The following FRY variants were observed in gnomAD, a reference collection of about 807,000 sequenced individuals.
FRY encodes the protein FRY microtubule binding protein, also known as protein furry homolog.
In FRY, 128 loss-of-function variants were observed where a neutral mutation model predicts 348.4. The observed-to-expected ratio is 0.37, with a 90% CI of 0.32 to 0.43. The LOEUF (loss-of-function observed/expected upper bound fraction) is 0.43. Ranked by LOEUF, FRY falls within the 20% of genes least tolerant of loss-of-function variation. The pLI is 1.00. For synonymous variants in FRY, 1,370 were observed against 1,374.7 expected, an observed-to-expected ratio of 1.00 and a Z score of 0.08; for missense variants, 2,736 against 3,695.2, an observed-to-expected ratio of 0.74 and a Z score of 6.73.
intron 29 of FRY, among the ~76,000 whole-genome samples, chr13:32,199,440 G>T (rs1883874545): frequency 6.6e-6 from 1 of 152,218 alleles, no homozygotes; most frequent in Non-Finnish European, 1.5e-5. Context: ...GACAGGTGGT[G>T]TAATCACATT....
intron 1 of FRY, among the ~76,000 whole-genome samples, chr13:32,072,124 T>C (rs746397980): frequency 1.1e-4 from 16 of 152,164 alleles, no homozygotes; most frequent in Non-Finnish European, 2.1e-4. Flanking sequence ...TCTGGAGATA[T>C]CATGTAGATT....
chr13:32,293,263 A>T (rs1432310440), intron 59 of FRY, among the ~76,000 whole-genome samples: 1 of 152,222 alleles, frequency 6.6e-6, no homozygotes, highest in Non-Finnish European at 1.5e-5. Context: ...TAGGTTTAAA[A>T]TAAGGAGAAA....
At chr13:32,155,373 T>G (rs1429456603) in intron 14 of FRY, 118 bp from the exon 15 acceptor site, 1 of 778,696 alleles carries the variant, frequency 1.3e-6, no homozygotes, top group Admixed American at 1.9e-5. Context: ...GGCTTTTAAA[T>G]TATTTTCTCA....
chr13:32,211,207 C>T (rs553810466), intron 34 of FRY, among the ~76,000 whole-genome samples, 173 bp downstream of exon 34: 19 of 152,362 alleles, frequency 1.2e-4, no homozygotes, highest in African/African-American at 3.8e-4. Context: ...TGGTGACTCA[C>T]GCCTGTAATC....
intron 4 of FRY, among the ~76,000 whole-genome samples, chr13:32,119,282 T>A (rs1311506173): frequency 6.6e-6 from 1 of 152,176 alleles, no homozygotes; most frequent in African/African-American, 2.4e-5. Context: ...AGGAGGAGCA[T>A]AAACTACTGA....
At chr13:32,149,219 A>G (rs1394489060) in intron 13 of FRY, among the ~76,000 whole-genome samples, 1 of 148,622 alleles carries the variant, frequency 6.7e-6, no homozygotes, top group Non-Finnish European at 1.5e-5. Flanking sequence ...CTGTTATACT[A>G]TATATATATA....
chr13:32,221,402 C>T (rs1220863527), intron 36 of FRY, among the ~76,000 whole-genome samples: 1 of 152,234 alleles, frequency 6.6e-6, no homozygotes, highest in African/African-American at 2.4e-5. Context: ...CAGCCAAATA[C>T]CTGGGTTAAA....
intron 35 of FRY, among the ~76,000 whole-genome samples, chr13:32,218,069 G>A (rs1371214009): frequency 6.6e-6 from 1 of 152,134 alleles, no homozygotes; most frequent in African/African-American, 2.4e-5. Context: ...ACTTTGAGTT[G>A]TTTAATCATT....
intron 1 of FRY, among the ~76,000 whole-genome samples, chr13:32,063,718 A>G (rs2138454488): frequency 6.6e-6 from 1 of 152,366 alleles, no homozygotes; most frequent in East Asian, 1.9e-4. Flanking sequence ...TGCTTTAAAG[A>G]TTCCAACAGC....
intron 58 of FRY, among the ~76,000 whole-genome samples, chr13:32,287,693 C>T (rs1889145731): frequency 6.6e-6 from 1 of 152,182 alleles, no homozygotes; most frequent in African/African-American, 2.4e-5. Context: ...AACTGGAACG[C>T]TATGCATGTT....
At chr13:32,251,773 T>G (rs1887095389) in intron 49 of FRY, 105 bp from the exon 50 acceptor site, 1 of 777,548 alleles carries the variant, frequency 1.3e-6, no homozygotes, top group African/African-American at 1.7e-5. Flanking sequence ...TTTCATTCTG[T>G]CTATACGTTA....
At position 32,265,758 on chromosome 13, in the gene FRY, C is replaced by T. The variant is rs1037413070; in HGVS notation, c.7946+142C>T. The T allele has an allele frequency of 2.7e-5, 23 of 837,510 alleles. No homozygotes were observed. In the African/African-American group the frequency reaches 3.9e-4, roughly 14 times the overall value. 51.9% of individuals were successfully genotyped at this position (837,510 alleles called of 1,614,324 possible). ...AAAGTGACATATATCATGGCAGGCT[C>T]TCAGCTGAGTTAGAGTCATCCAATC... On this transcript the variant is annotated intron_variant, in intron 54 of 60. Transcript: ENST00000542859.
intron 3 of FRY, among the ~76,000 whole-genome samples, chr13:32,111,627 G>T (rs922983078): frequency 4.6e-5 from 7 of 152,154 alleles, no homozygotes; most frequent in African/African-American, 1.7e-4. Flanking sequence ...TGAGAAAGGG[G>T]AGAGCAGGAT....
chr13:32,155,143 T>C (rs1881033882), intron 14 of FRY, among the ~76,000 whole-genome samples: 1 of 152,178 alleles, frequency 6.6e-6, no homozygotes, highest in South Asian at 2.1e-4. Flanking sequence ...CCAGGAGACG[T>C]ATGAGCCCTT....
chr13:32,285,075 A>G lies in FRY; in HGVS notation c.8470-4558A>G, dbSNP rs186515242. Among the ~76,000 whole-genome samples, 560 of 152,314 alleles carry G rather than the reference A, an allele frequency of 3.7e-3. 4 individuals are homozygous for G. Among genetic ancestry groups the G allele is most frequent in the African/African-American group, 0.012 (499 of 41,564 alleles). ...TAAATCCAATTTTATAAATCAAGCC[A>G]TATCAGGAGAGCAGGAAGGGGGCTT... On this transcript the variant is annotated intron_variant, in intron 58 of 60. Transcript: ENST00000542859.
intron 2 of FRY, among the ~76,000 whole-genome samples, chr13:32,082,581 C>T (rs114854213): frequency 0.014 from 2,134 of 152,280 alleles, 50 homozygotes; most frequent in African/African-American, 0.048. Flanking sequence ...TCCTCCTTCC[C>T]TCTGAACTCA....
chr13:32,181,378 T>C (rs1020462950), intron 23 of FRY, among the ~76,000 whole-genome samples: 2 of 151,554 alleles, frequency 1.3e-5, no homozygotes, highest in African/African-American at 2.4e-5. Flanking sequence ...GTGGATCACC[T>C]GAGGTCAGGA....
At chr13:32,213,856 A>G (rs1884824325) in intron 35 of FRY, among the ~76,000 whole-genome samples, 1 of 152,164 alleles carries the variant, frequency 6.6e-6, no homozygotes, top group African/African-American at 2.4e-5. Context: ...GAAGCCAGTA[A>G]TCTCTCTAAT....
intron 4 of FRY, among the ~76,000 whole-genome samples, chr13:32,123,641 A>G (rs1304436504): frequency 6.6e-6 from 1 of 152,194 alleles, no homozygotes; most frequent in African/African-American, 2.4e-5. Context: ...TTGTTATCAC[A>G]TTTTACAGGT....
Sources: allele counts gnomAD v4.1 joint callset (sites outside exome capture counted in the v4.1 genomes callset), GRCh38; gene constraint gnomAD v4.1.1; transcripts MANE v1.5; gene names NCBI Gene and HGNC (gene_info 2026-07-23, HGNC 2026-07-21).